The following APLP2 variants were observed in gnomAD, a reference collection of about 807,000 sequenced individuals.
APLP2 encodes the protein amyloid beta precursor like protein 2.
Under a neutral mutation model 89.9 loss-of-function variants are expected in APLP2, and 53 were observed. The observed-to-expected ratio is 0.59, with a 90% CI of 0.47 to 0.74. APLP2 has a LOEUF of 0.74. APLP2 is among the 30% of genes least tolerant of loss of function. The pLI is 0.00. For missense variants in APLP2, 973 were observed against 975.9 expected (o/e 1.00, Z 0.04); for synonymous variants, 372 against 348.6 (o/e 1.07, Z -0.75).
intron 7 of APLP2, among the ~76,000 whole-genome samples, chr11:130,125,542 T>C (rs766076443): frequency 1.8e-4 from 28 of 152,252 alleles, no homozygotes; most frequent in Non-Finnish European, 3.1e-4. Context: ...ATGACTTTAG[T>C]TGTCGTTTTT....
At chr11:130,128,948 G>T (rs562500940) in intron 9 of APLP2, 100 bp from the exon 10 acceptor site, 2 of 1,340,892 alleles carry the variant, frequency 1.5e-6, no homozygotes, top group South Asian at 1.4e-5. Flanking sequence ...TTACTGTCTC[G>T]CATGGGCACT....
chr11:130,144,220 CTGT>C lies in APLP2; in HGVS notation c.*777_*779del. 1 of 152,396 alleles carries C rather than the reference CTGT, an allele frequency of 6.6e-6. No homozygotes were observed. The highest frequency in any genetic ancestry group is 1.5e-5 in the Non-Finnish European group (1 of 68,068). The allele number at this position is 152,396 out of a possible 1,614,324, so 9.4% of individuals were successfully genotyped here. A position where few individuals can be genotyped will look rare whatever the true frequency, so the allele number is the denominator to read the frequency against. ...GCTTATATTTGACATTCTTCACTGTCTGTTGTTTACCTACCGTAGCTTTTTACC... is the reference window on the plus strand; with the variant it reads ...GCTTATATTTGACATTCTTCACTGTCTGTTTACCTACCGTAGCTTTTTACC... On this transcript the variant is annotated 3_prime_UTR_variant, in exon 17 of 17. Transcript: ENST00000338167.
chr11:130,143,474 C>CGGAG lies in APLP2; in HGVS notation c.*30_*33dup. 2 of 1,586,374 alleles carry CGGAG rather than the reference C, an allele frequency of 1.3e-6. No individual in the cohort carries two copies. Among genetic ancestry groups the CGGAG allele is most frequent in the Non-Finnish European group, 1.7e-6 (2 of 1,155,666 alleles). The stretch of plus-strand genomic sequence containing the variant: ...GTGGCAGGGAGCGCGGCAGCCCTGG[C>CGGAG]GGAGGGATGCAGGTGGGCCGGAAGA... On this transcript the variant is annotated 3_prime_UTR_variant, in exon 17 of 17. Transcript: ENST00000338167.
intron 1 of APLP2, among the ~76,000 whole-genome samples, chr11:130,079,815 G>T (rs1942859694): frequency 6.6e-6 from 1 of 152,164 alleles, no homozygotes; most frequent in African/African-American, 2.4e-5. Flanking sequence ...TTCTCTCAGA[G>T]GGAAACTGTT....
intron 1 of APLP2, among the ~76,000 whole-genome samples, chr11:130,076,480 C>T (rs949156180): frequency 2.0e-5 from 3 of 151,976 alleles, no homozygotes; most frequent in African/African-American, 7.3e-5. Flanking sequence ...GTTACGGTTC[C>T]CTGTAGAGAT....
chr11:130,098,659 G>C (rs1477698370), intron 1 of APLP2, among the ~76,000 whole-genome samples: 1 of 152,126 alleles, frequency 6.6e-6, no homozygotes, highest in Admixed American at 6.5e-5. Flanking sequence ...CAGAAAAATG[G>C]AATATTTTAA....
intron 13 of APLP2, chr11:130,137,303 C>T: frequency 6.2e-7 from 1 of 1,612,450 alleles, no homozygotes; most frequent in Non-Finnish European, 8.5e-7. Flanking sequence ...TTGGTTTGTC[C>T]AAGATGTTCC....
rs761333460 is a variant in APLP2, at chr11:130,143,385, C to T, written c.2193C>T (p.Asn731=). Reference sequence around the variant, plus strand: ...TCACCCCAGAAGAGCGTCACCTGAACAAGATGCAGAACCATGGCTATGAGA... The same window carrying T: ...TCACCCCAGAAGAGCGTCACCTGAATAAGATGCAGAACCATGGCTATGAGA... ...PMLTPEERHL[N]KMQNHGYENP... is the part of the protein sequence containing the mutation. The change falls in exon 17 of 17, where the codon AAC becomes AAT. Residue 731 remains asparagine (N), a synonymous_variant. Transcript: ENST00000338167. 1 of 1,613,972 alleles carries T rather than the reference C, an allele frequency of 6.2e-7. No individual in the cohort carries two copies. The highest frequency in any genetic ancestry group is 8.5e-7 in the Non-Finnish European group (1 of 1,180,006).
Position 130,135,698 on chromosome 11 carries a change from C to T in APLP2, c.1820C>T (p.Ala607Val). ...TTCCACCCCTTCCACCCCTTCCCAGCCCTACCTGAGAACGAAGGTGTGTAT... is the reference window on the plus strand; with the variant it reads ...TTCCACCCCTTCCACCCCTTCCCAGTCCTACCTGAGAACGAAGGTGTGTAT... Reference protein sequence around the residue: ...PPFHPFHPFPALPENEGSGVG... With the variant: ...PPFHPFHPFPVLPENEGSGVG... Residue 607 changes from alanine (A) to valine (V), a missense_variant, in exon 13 of 17, where the codon GCC becomes GTC. Coordinates refer to ENST00000338167, the MANE Select transcript of APLP2 (RefSeq NM_001142276.2). 3 of 1,614,120 alleles carry T rather than the reference C, an allele frequency of 1.9e-6. No individual in the cohort carries two copies. Among genetic ancestry groups the T allele is most frequent in the Non-Finnish European group, 2.5e-6 (3 of 1,180,006 alleles).
chr11:130,095,686 T>G (rs958195199), intron 1 of APLP2, among the ~76,000 whole-genome samples: 3 of 152,202 alleles, frequency 2.0e-5, no homozygotes, highest in Admixed American at 2.0e-4. Flanking sequence ...AAATTAAAAT[T>G]AAGAGAATGG....
chr11:130,142,102 C>CT, intron 16 of APLP2, 28 bp downstream of exon 16: 9 of 1,593,366 alleles, frequency 5.6e-6, no homozygotes, highest in Non-Finnish European at 7.7e-6. Context: ...TGAGGGCCTG[C>CT]TCTGCACTGT....
chr11:130,114,367 G>A (rs1433459382), intron 3 of APLP2: 1 of 152,138 alleles, frequency 6.6e-6, no homozygotes, highest in Non-Finnish European at 1.5e-5. Context: ...TGCAATTTGT[G>A]TTTTTCTGTG....
chr11:130,070,612 G>T (rs1289637626), intron 1 of APLP2: 4 of 1,420,058 alleles, frequency 2.8e-6, no homozygotes, highest in African/African-American at 3.0e-5. Context: ...GCGCGGCAGG[G>T]ATGCTGCGAG....
chr11:130,102,253 C>CT (rs1231705465), intron 1 of APLP2, among the ~76,000 whole-genome samples: 6 of 152,204 alleles, frequency 3.9e-5, no homozygotes, highest in South Asian at 2.1e-4. Context: ...ACAGATGGTC[C>CT]TTTTTTACTG....
At chr11:130,098,936 G>T (rs1350122791) in intron 1 of APLP2, among the ~76,000 whole-genome samples, 1 of 152,092 alleles carries the variant, frequency 6.6e-6, no homozygotes. Flanking sequence ...TTAATGAGTA[G>T]TACTTCTGAG....
chr11:130,121,757 TGAAGAGGAAGAGGAAGAG>T lies in APLP2; in HGVS notation c.666_683del (p.Glu222_Glu227del), dbSNP rs3837393. ...TGTCAAAAGAAGAGGAAGAGGAAGA[TGAAGAGGAAGAGGAAGAG>T]GAAGATGAAGAGGAAGACTATGATG... On this transcript the variant is annotated inframe_deletion, in exon 5 of 17. Coordinates refer to ENST00000338167, the MANE Select transcript of APLP2 (RefSeq NM_001142276.2). 1.2e-6 allele frequency: 2 copies of T among 1,609,956 alleles called. No individual in the cohort carries two copies. The highest frequency in any genetic ancestry group is 1.7e-6 in the Non-Finnish European group (2 of 1,179,138).
chr11:130,139,737 G>A (rs1157009198), intron 13 of APLP2: 1 of 152,176 alleles, frequency 6.6e-6, no homozygotes, highest in Non-Finnish European at 1.5e-5. Flanking sequence ...TCCTATAGGT[G>A]GAATGCACGC....
At chr11:130,072,170 C>T (rs1941224890) in intron 1 of APLP2, among the ~76,000 whole-genome samples, 1 of 152,196 alleles carries the variant, frequency 6.6e-6, no homozygotes, top group African/African-American at 2.4e-5. Flanking sequence ...TCTCTTAAAT[C>T]CGAGACAAGT....
At chr11:130,085,776 A>G (rs568578515) in intron 1 of APLP2, among the ~76,000 whole-genome samples, 1 of 152,344 alleles carries the variant, frequency 6.6e-6, no homozygotes, top group African/African-American at 2.4e-5. Context: ...CTGGTGATCT[A>G]TGAATTTGCC....
Sources: gnomAD v4.1 joint callset for allele counts (sites outside exome capture counted in the v4.1 genomes callset) on GRCh38, gnomAD v4.1.1 for gene constraint, MANE v1.5 for transcripts, NCBI Gene and HGNC (gene_info 2026-07-23, HGNC 2026-07-21) for gene names.